GLB1L3: variants seen among roughly 807,000 people sequenced by gnomAD.
GLB1L3 encodes beta-galactosidase-1-like protein 3.
A neutral mutation model predicts 89.5 loss-of-function variants in GLB1L3; 89 were observed. That is an observed-to-expected ratio of 0.99 (90% CI 0.84 to 1.19). The LOEUF is 1.19. GLB1L3 is among the 50% of genes most tolerant of loss of function. The probability of loss-of-function intolerance (pLI) is 0.00; values close to 1 mark genes in which losing one functional copy is unlikely to be tolerated. For missense variants in GLB1L3, 812 were observed against 813.3 expected (o/e 1.00, Z 0.02); for synonymous variants, 314 against 312.3 (o/e 1.01, Z -0.06).
upstream of GLB1L3, chr11:134,276,141 G>C (rs992236193): frequency 1.3e-5 from 2 of 152,448 alleles, no homozygotes; most frequent in South Asian, 2.1e-4. Context: ...GGCTGTGCTC[G>C]GGCCGCTCCC....
intron 11 of GLB1L3, 132 bp from the exon 12 acceptor site, chr11:134,310,439 C>T (rs910143159): frequency 3.1e-6 from 2 of 651,578 alleles, no homozygotes; most frequent in Admixed American, 2.5e-5. Flanking sequence ...TGGCATCACA[C>T]ACCCACGTGG....
At chr11:134,309,105 G>C (rs1461678652) in intron 10 of GLB1L3, among the ~76,000 whole-genome samples, 1 of 152,158 alleles carries the variant, frequency 6.6e-6, no homozygotes, top group Non-Finnish European at 1.5e-5. Flanking sequence ...TTATATGTAT[G>C]ATTTCAAAAA....
chr11:134,314,416 C>A lies in GLB1L3; in HGVS notation c.1754C>A (p.Pro585His), dbSNP rs993732470. Residue 585 changes from proline (P) to histidine (H), a missense_variant, in exon 18 of 20, where the codon CCC (proline) becomes CAC (histidine). Pro to His is a moderately conservative substitution (Grantham distance 77). Transcript: ENST00000431683. Reference protein sequence around the residue: ...YCGTLKAGPSPKDTFLSLLNW... With the variant: ...YCGTLKAGPSHKDTFLSLLNW... ...GGGACCTTGAAGGCTGGCCCTTCTC[C>A]CAAGGACACCTTCCTGAGCCTGCTG... 6 of 1,551,032 alleles carry A rather than the reference C, an allele frequency of 3.9e-6. No individual in the cohort carries two copies. The African/African-American group carries it at 8.2e-5, about 21-fold the overall frequency.
At position 134,283,770 on chromosome 11, in the gene GLB1L3, G is replaced by T; in HGVS notation, c.561G>T (p.Arg187Ser). 6.2e-7 allele frequency: 1 copy of T among 1,612,902 alleles called. No individual in the cohort carries two copies. Among genetic ancestry groups the T allele is most frequent in the Non-Finnish European group, 8.5e-7 (1 of 1,179,438 alleles). ...WLLQDPRLLL[R>S]TTNKSFIEAV... ...TGCAAGACCCCCGGTTACTGTTGAG[G>T]ACAACCAACAAGAGCTTCATTGAAG... Residue 187 changes from arginine (R) to serine (S), a missense_variant, in exon 6 of 20, where the codon AGG becomes AGT. Arg to Ser is a moderately radical substitution (Grantham distance 110). Coordinates refer to ENST00000431683, the MANE Select transcript of GLB1L3 (RefSeq NM_001080407.3).
chr11:134,277,532 C>T, intron 2 of GLB1L3, 81 bp downstream of exon 2: 1 of 1,560,778 alleles, frequency 6.4e-7, no homozygotes, highest in South Asian at 1.1e-5. Context: ...CGAATATGCA[C>T]AGAACACGTC....
chr11:134,294,818 C>T (rs483244), intron 9 of GLB1L3, among the ~76,000 whole-genome samples: 91,808 of 152,044 alleles, frequency 0.6, 28,752 homozygotes, highest in Non-Finnish European at 0.68. Flanking sequence ...CAGGACTCAG[C>T]GCTTCATTTC....
In GLB1L3 at chr11:134,276,782, C is replaced by T. The variant is rs867913990; in HGVS notation, c.23+19C>T. The T allele has an allele frequency of 7.4e-5, 105 of 1,422,344 alleles. No individual in the cohort carries two copies. In the Middle Eastern group the frequency reaches 4.4e-3, roughly 60 times the overall value. 88.1% of individuals were successfully genotyped at this position (1,422,344 alleles called of 1,614,324 possible). ...TCCTCAGGTGACGGATCGCCGCTGC[C>T]GTCCCGGGCTGCCCACCACCCCGGC... On this transcript the variant is annotated intron_variant, in intron 1 of 19. Coordinates refer to ENST00000431683, the MANE Select transcript of GLB1L3 (RefSeq NM_001080407.3).
chr11:134,292,076 CT>C (rs151242228), intron 7 of GLB1L3, 55 bp from the exon 8 acceptor site: 1 of 1,277,628 alleles, frequency 7.8e-7, no homozygotes, highest in Non-Finnish European at 1.1e-6. Flanking sequence ...GTATGTATTT[CT>C]TTTTTCCCAT....
chr11:134,276,939 C>A (rs190388497), intron 1 of GLB1L3, among the ~76,000 whole-genome samples, 176 bp downstream of exon 1: 1 of 152,214 alleles, frequency 6.6e-6, no homozygotes, highest in Non-Finnish European at 1.5e-5. Flanking sequence ...CTACCCCCAC[C>A]CTGCGGAGGG....
At chr11:134,296,178 A>G (rs934908640) in intron 9 of GLB1L3, among the ~76,000 whole-genome samples, 1 of 150,906 alleles carries the variant, frequency 6.6e-6, no homozygotes, top group Non-Finnish European at 1.5e-5. Context: ...CAGTCATTAA[A>G]AAGTCAGGAA....
At chr11:134,314,190 G>T in intron 17 of GLB1L3, 140 bp from the exon 18 acceptor site, 1 of 736,680 alleles carries the variant, frequency 1.4e-6, no homozygotes, top group Non-Finnish European at 2.3e-6. Flanking sequence ...CAAGTGTCCT[G>T]ATTCTGATCT....
At chr11:134,320,213 CT>C (rs1943148178), downstream of GLB1L3, among the ~76,000 whole-genome samples, 1 of 152,092 alleles carries the variant, frequency 6.6e-6, no homozygotes, top group African/African-American at 2.4e-5. Flanking sequence ...AGTAAGTAAT[CT>C]TGTGTCCAGA....
intron 9 of GLB1L3, among the ~76,000 whole-genome samples, chr11:134,305,948 A>C (rs1200586052): frequency 6.6e-6 from 1 of 152,194 alleles, no homozygotes; most frequent in Non-Finnish European, 1.5e-5. Flanking sequence ...GAAAAGAGAC[A>C]AGATAAACGT....
intron 17 of GLB1L3, 67 bp downstream of exon 17, chr11:134,314,095 A>G (rs1565421377): frequency 9.1e-7 from 1 of 1,097,964 alleles, no homozygotes; most frequent in Non-Finnish European, 1.4e-6. Context: ...CAGATTCCTC[A>G]TTGCAGATAA....
intron 13 of GLB1L3, 69 bp from the exon 14 acceptor site, chr11:134,312,280 A>C (rs1942769251): frequency 6.4e-6 from 10 of 1,555,088 alleles, no homozygotes; most frequent in Non-Finnish European, 8.7e-6. Flanking sequence ...ACCAAATGAC[A>C]GGGTCTTAGG....
At chr11:134,280,673 C>T (rs1052307214) in intron 3 of GLB1L3, among the ~76,000 whole-genome samples, 3 of 152,060 alleles carry the variant, frequency 2.0e-5, no homozygotes, top group African/African-American at 7.3e-5. Context: ...CGTTGTTAAG[C>T]TCATAGAAGG....
chr11:134,316,458 G>T (rs1942982670), intron 18 of GLB1L3, among the ~76,000 whole-genome samples: 1 of 152,064 alleles, frequency 6.6e-6, no homozygotes, highest in Admixed American at 6.6e-5. Context: ...TTATTAGTTG[G>T]ATAATTGCTG....
chr11:134,285,878 A>G (rs1225913961), intron 6 of GLB1L3, among the ~76,000 whole-genome samples: 2 of 151,512 alleles, frequency 1.3e-5, no homozygotes, highest in African/African-American at 4.8e-5. Context: ...GGCCTTTGTA[A>G]CTAATTTGGA....
chr11:134,298,515 T>C (rs777699176), intron 9 of GLB1L3, among the ~76,000 whole-genome samples: 8 of 152,168 alleles, frequency 5.3e-5, no homozygotes, highest in Non-Finnish European at 1.0e-4. Flanking sequence ...TTGAATTGTG[T>C]CTCCTAGAAT....
Sources: allele counts gnomAD v4.1 joint callset (sites outside exome capture counted in the v4.1 genomes callset), GRCh38; gene constraint gnomAD v4.1.1; transcripts MANE v1.5; gene names NCBI Gene and HGNC (gene_info 2026-07-23, HGNC 2026-07-21).